The following DPM1 variants were observed in gnomAD, a reference collection of about 807,000 sequenced individuals.
DPM1 encodes dolichol-phosphate mannosyltransferase subunit 1.
In DPM1, 27 loss-of-function variants were observed where a neutral mutation model predicts 39.0. That is an observed-to-expected ratio of 0.69 (90% CI 0.51 to 0.95). The LOEUF (loss-of-function observed/expected upper bound fraction) is 0.95, where lower values mean the gene tolerates loss of function less well. DPM1 is among the 40% of genes least tolerant of loss of function. DPM1 has a pLI of 0.00. For missense variants in DPM1, 307 were observed against 315.6 expected, an observed-to-expected ratio of 0.97 and a Z score of 0.21; for synonymous variants, 124 against 109.0, an observed-to-expected ratio of 1.14 and a Z score of -0.86.
intron 2 of DPM1, among the ~76,000 whole-genome samples, chr20:50,952,995 A>G (rs1476605497): frequency 6.6e-6 from 1 of 152,248 alleles, no homozygotes; most frequent in African/African-American, 2.4e-5. Flanking sequence ...GGTGATGGAC[A>G]GGTTCATTCC....
At chr20:50,952,049 C>G (rs1986611149) in intron 2 of DPM1, among the ~76,000 whole-genome samples, 1 of 152,110 alleles carries the variant, frequency 6.6e-6, no homozygotes, top group African/African-American at 2.4e-5. Context: ...AAGATGAACC[C>G]TGGAACCACA....
At chr20:50,936,034 A>G (rs1024213771) in intron 8 of DPM1, 114 bp downstream of exon 8, 12 of 740,024 alleles carry the variant, frequency 1.6e-5, no homozygotes, top group Non-Finnish European at 2.9e-5. Context: ...CTAAACAACT[A>G]GAAGACCTCC....
At chr20:50,953,520 C>CA (rs1986685649) in intron 2 of DPM1, among the ~76,000 whole-genome samples, 1 of 151,898 alleles carries the variant, frequency 6.6e-6, no homozygotes, top group African/African-American at 2.4e-5. Context: ...TTTTAAAAGT[C>CA]ATTTTCTAGT....
intron 6 of DPM1, chr20:50,941,261 T>TATATATATATATATATATATATATATAA (rs1328756990): frequency 1.3e-5 from 2 of 159,266 alleles, no homozygotes; most frequent in African/African-American, 7.1e-5. Flanking sequence ...TATATATATA[T>TATATATATATATATATATATATATATAA]ATAAATAAAA....
intron 2 of DPM1, among the ~76,000 whole-genome samples, chr20:50,952,816 A>G (rs2123136608): frequency 6.6e-6 from 1 of 152,234 alleles, no homozygotes; most frequent in East Asian, 1.9e-4. Context: ...TAAGTTTTTA[A>G]AATACTAAAC....
intron 1 of DPM1, 99 bp downstream of exon 1, chr20:50,958,264 G>A: frequency 6.6e-7 from 1 of 1,515,360 alleles, no homozygotes; most frequent in South Asian, 1.2e-5. Flanking sequence ...GTGAGGCAAA[G>A]AAGGCTGGAC....
chr20:50,952,925 A>T (rs1261516551), intron 2 of DPM1, among the ~76,000 whole-genome samples: 4 of 152,240 alleles, frequency 2.6e-5, no homozygotes, highest in Non-Finnish European at 5.9e-5. Context: ...TGAAATTTAC[A>T]GAGAGCAGAT....
chr20:50,935,881 G>A (rs1479700328), intron 8 of DPM1, among the ~76,000 whole-genome samples: 3 of 152,142 alleles, frequency 2.0e-5, no homozygotes, highest in Non-Finnish European at 4.4e-5. Flanking sequence ...AGTCCATAAT[G>A]CTGATTAGTT....
At chr20:50,944,468 T>G (rs913308817) in intron 5 of DPM1, 2 of 152,260 alleles carry the variant, frequency 1.3e-5, no homozygotes, top group African/African-American at 4.8e-5. Flanking sequence ...GGAAACAGCA[T>G]TTCAGGCAAA....
intron 2 of DPM1, 44 bp downstream of exon 2, chr20:50,955,142 C>A (rs758769052): frequency 7.2e-7 from 1 of 1,383,518 alleles, no homozygotes; most frequent in Admixed American, 1.7e-5. Flanking sequence ...CTTTCCCCTA[C>A]ATAATCACAA....
At chr20:50,939,897 G>A (rs1413454963) in intron 7 of DPM1, among the ~76,000 whole-genome samples, 1 of 152,214 alleles carries the variant, frequency 6.6e-6, no homozygotes, top group African/African-American at 2.4e-5. Context: ...ATAGGCGCAA[G>A]CCACTGCCCA....
intron 5 of DPM1, 131 bp downstream of exon 5, chr20:50,945,606 A>G: frequency 1.0e-6 from 1 of 955,368 alleles, no homozygotes; most frequent in Non-Finnish European, 1.6e-6. Flanking sequence ...GACTTCCCAA[A>G]CTTTGTTTAT....
chr20:50,943,144 C>T (rs1401936012), intron 5 of DPM1, among the ~76,000 whole-genome samples: 3 of 152,256 alleles, frequency 2.0e-5, no homozygotes, highest in African/African-American at 7.2e-5. Context: ...CACTGCACTC[C>T]AGCCTGCATG....
chr20:50,950,533 T>C (rs771421166), intron 2 of DPM1, among the ~76,000 whole-genome samples: 1 of 152,204 alleles, frequency 6.6e-6, no homozygotes, highest in African/African-American at 2.4e-5. Flanking sequence ...CATCTGAGAT[T>C]TTCTACAACT....
chr20:50,957,146 A>T (rs1021450390), intron 1 of DPM1, among the ~76,000 whole-genome samples: 1 of 152,224 alleles, frequency 6.6e-6, no homozygotes, highest in African/African-American at 2.4e-5. Flanking sequence ...TAAAAATTTT[A>T]AAACTCTGAG....
chr20:50,937,216 C>G (rs776493334), intron 7 of DPM1, among the ~76,000 whole-genome samples: 5 of 152,064 alleles, frequency 3.3e-5, no homozygotes, highest in African/African-American at 1.2e-4. Context: ...CACCCTGAAT[C>G]CACATTTTTT....
chr20:50,953,673 T>G (rs1356874245), intron 2 of DPM1, among the ~76,000 whole-genome samples: 2 of 152,224 alleles, frequency 1.3e-5, no homozygotes, highest in Admixed American at 6.5e-5. Flanking sequence ...GAAGACAATG[T>G]TGTTCCAAAA....
rs116060578 is a variant in DPM1, at chr20:50,941,063, T to C, written c.495-130A>G. 701 of 1,037,238 alleles carry C rather than the reference T, an allele frequency of 6.8e-4. 2 individuals carry two copies. In the African/African-American group the frequency reaches 9.6e-3, roughly 14 times the overall value. 64.3% of individuals were successfully genotyped at this position (1,037,238 alleles called of 1,614,324 possible). On this transcript the variant is annotated intron_variant, in intron 6 of 8. Coordinates refer to ENST00000371588, the MANE Select transcript of DPM1 (RefSeq NM_003859.3). ...ACATTAATTTCATAAAAATGTTATT[T>C]ATCTAGAACAAAATAGAAATTTTTA...
chr20:50,953,513 T>C (rs1033504812), intron 2 of DPM1, among the ~76,000 whole-genome samples: 1 of 152,226 alleles, frequency 6.6e-6, no homozygotes, highest in Non-Finnish European at 1.5e-5. Flanking sequence ...TGTTTTTTTT[T>C]AAAAGTCATT....
Sources: gnomAD v4.1 joint callset for allele counts (sites outside exome capture counted in the v4.1 genomes callset) on GRCh38, gnomAD v4.1.1 for gene constraint, MANE v1.5 for transcripts, NCBI Gene and HGNC (gene_info 2026-07-23, HGNC 2026-07-21) for gene names.